The following EIF4G3 variants were observed in gnomAD, a reference collection of about 807,000 sequenced individuals.
The protein encoded by EIF4G3 is eIF-4-gamma 3.
In EIF4G3, 34 loss-of-function variants were observed where a neutral mutation model predicts 186.4. That is an observed-to-expected ratio of 0.18 (90% CI 0.14 to 0.24). The LOEUF is 0.24. Ranked by LOEUF, EIF4G3 falls within the 10% of genes least tolerant of loss-of-function variation. The probability of loss-of-function intolerance (pLI) is 1.00; values close to 1 mark genes in which losing one functional copy is unlikely to be tolerated. For synonymous variants in EIF4G3, 673 were observed against 679.5 expected (o/e 0.99, Z 0.15); for missense variants, 1,536 against 1,948.5 (o/e 0.79, Z 3.99).
chr1:21,109,856 C>A (rs536888778), intron 2 of EIF4G3, among the ~76,000 whole-genome samples: 1 of 152,316 alleles, frequency 6.6e-6, no homozygotes, highest in African/African-American at 2.4e-5. Flanking sequence ...ATGATCTTGG[C>A]TCACTGCAAC....
At chr1:21,053,643 G>T (rs1328255720) in intron 3 of EIF4G3, among the ~76,000 whole-genome samples, 1 of 141,038 alleles carries the variant, frequency 7.1e-6, no homozygotes, top group Non-Finnish European at 1.6e-5. Flanking sequence ...GAGGTGAGGG[G>T]CGCCTCTGCC....
chr1:20,874,151 A>G (rs1486087967), intron 20 of EIF4G3, among the ~76,000 whole-genome samples: 2 of 152,208 alleles, frequency 1.3e-5, no homozygotes, highest in Non-Finnish European at 2.9e-5. Context: ...CAATAAACAC[A>G]CGTGTGCATG....
At chr1:21,063,012 A>G (rs1350739006) in intron 3 of EIF4G3, among the ~76,000 whole-genome samples, 3 of 152,208 alleles carry the variant, frequency 2.0e-5, no homozygotes, top group African/African-American at 7.2e-5. Flanking sequence ...CTACTCTGTC[A>G]TCATAAATGA....
chr1:21,137,351 G>T (rs1316701055), intron 2 of EIF4G3, among the ~76,000 whole-genome samples: 1 of 151,946 alleles, frequency 6.6e-6, no homozygotes, highest in Non-Finnish European at 1.5e-5. Flanking sequence ...TCACTACACT[G>T]CTCAGGCTGG....
chr1:21,068,930 T>C (rs954972802), intron 3 of EIF4G3, among the ~76,000 whole-genome samples: 2 of 152,230 alleles, frequency 1.3e-5, no homozygotes, highest in Non-Finnish European at 2.9e-5. Context: ...CCATTGAGCA[T>C]TTCCTTTGAG....
chr1:20,847,182 G>C (rs2071401461), intron 29 of EIF4G3, among the ~76,000 whole-genome samples: 1 of 152,172 alleles, frequency 6.6e-6, no homozygotes, highest in South Asian at 2.1e-4. Flanking sequence ...AAATGGGTAT[G>C]ATAATAACAT....
intron 29 of EIF4G3, among the ~76,000 whole-genome samples, chr1:20,844,317 T>G (rs1257621485): frequency 6.6e-6 from 1 of 152,186 alleles, no homozygotes; most frequent in African/African-American, 2.4e-5. Context: ...CCTATTATTT[T>G]TTGACTTTTT....
In EIF4G3 at chr1:20,864,599, C is replaced by T; in HGVS notation, c.2883G>A (p.Leu961=). ...CACAGTCATGCATGATGGCTTCAGT[C>T]AGCATTTTGAGTTTAAAGAGTTCTC... ...FIGELFKLKM[L]TEAIMHDCVV... The change falls in exon 22 of 37, where the codon CTG becomes CTA. Residue 961 remains leucine, a synonymous_variant. Coordinates refer to ENST00000602326, the MANE Select transcript of EIF4G3 (RefSeq NM_001391906.1). The T allele has an allele frequency of 6.2e-7, 1 of 1,614,162 alleles. No homozygotes were observed. The highest frequency in any genetic ancestry group is 8.5e-7 in the Non-Finnish European group (1 of 1,180,034).
intron 7 of EIF4G3, among the ~76,000 whole-genome samples, chr1:20,995,364 G>T (rs986454048): frequency 4.6e-5 from 7 of 151,940 alleles, no homozygotes; most frequent in Non-Finnish European, 8.8e-5. Context: ...TAGTAACATG[G>T]TTCTTTTTGT....
At chr1:21,054,887 G>A (rs946463123) in intron 3 of EIF4G3, among the ~76,000 whole-genome samples, 7 of 152,134 alleles carry the variant, frequency 4.6e-5, no homozygotes, top group African/African-American at 1.4e-4. Context: ...ACACATAAAT[G>A]ATGCTACCAT....
In EIF4G3 at chr1:20,880,120, A is replaced by C. The variant is rs2154554160; in HGVS notation, c.2425-600T>G. Among the ~76,000 whole-genome samples the C allele has an allele frequency of 1.3e-5, 2 of 152,170 alleles. 1 individual carries two copies. Among genetic ancestry groups the C allele is most frequent in the South Asian group, 4.1e-4 (2 of 4,832 alleles). On this transcript the variant is annotated intron_variant, in intron 19 of 36. Transcript: ENST00000602326. Reference sequence around the variant, plus strand: ...GAAAGGCAAAATGATTTTTGCCCCTAAGATTGAGAATAATGCAAAAAATGT... The same window carrying C: ...GAAAGGCAAAATGATTTTTGCCCCTCAGATTGAGAATAATGCAAAAAATGT...
intron 32 of EIF4G3, among the ~76,000 whole-genome samples, chr1:20,825,691 G>A (rs1211894705): frequency 6.6e-6 from 1 of 152,162 alleles, no homozygotes; most frequent in Non-Finnish European, 1.5e-5. Flanking sequence ...TCTTTTCCTA[G>A]ATAGCTCTGT....
intron 4 of EIF4G3, among the ~76,000 whole-genome samples, chr1:21,008,958 G>A (rs2086144346): frequency 6.6e-6 from 1 of 152,080 alleles, no homozygotes; most frequent in Non-Finnish European, 1.5e-5. Flanking sequence ...TTACAATGTT[G>A]GAATGTAAAA....
intron 7 of EIF4G3, among the ~76,000 whole-genome samples, chr1:20,989,076 GGGAGGGGAGA>G (rs2080323835): frequency 5.1e-5 from 2 of 39,544 alleles, no homozygotes; most frequent in Non-Finnish European, 6.3e-5. Context: ...GGGAGGGGAG[GGGAGGGGAGA>G]GGAGAGGAGA....
intron 4 of EIF4G3, among the ~76,000 whole-genome samples, chr1:21,009,903 T>A (rs1449130505): frequency 6.6e-6 from 1 of 152,058 alleles, no homozygotes; most frequent in African/African-American, 2.4e-5. Flanking sequence ...TCTGCCCGCC[T>A]CGGCCTCCCA....
chr1:20,966,089 G>C (rs962582104), intron 12 of EIF4G3, among the ~76,000 whole-genome samples: 2 of 152,194 alleles, frequency 1.3e-5, no homozygotes, highest in African/African-American at 4.8e-5. Context: ...GCACCAGTCA[G>C]ATCTTAGTAA....
intron 28 of EIF4G3, 90 bp from the exon 29 acceptor site, chr1:20,849,620 C>T (rs2154550256): frequency 3.8e-6 from 2 of 532,728 alleles, no homozygotes; most frequent in East Asian, 3.4e-5. Flanking sequence ...TGTGCTATTA[C>T]ATTATTTTAA....
At chr1:21,098,542 A>G (rs1237940029) in intron 2 of EIF4G3, among the ~76,000 whole-genome samples, 1 of 23,428 alleles carries the variant, frequency 4.3e-5, no homozygotes, top group Non-Finnish European at 7.9e-5. Flanking sequence ...CCTGTCTCGA[A>G]AAAAAAAAAA....
intron 2 of EIF4G3, among the ~76,000 whole-genome samples, chr1:21,134,561 T>G (rs2097205589): frequency 6.6e-6 from 1 of 152,120 alleles, no homozygotes; most frequent in African/African-American, 2.4e-5. Context: ...TCCCAGCTAC[T>G]CGGGCGCTGA....
Sources: allele counts gnomAD v4.1 joint callset (sites outside exome capture counted in the v4.1 genomes callset), GRCh38; gene constraint gnomAD v4.1.1; transcripts MANE v1.5; gene names NCBI Gene and HGNC (gene_info 2026-07-23, HGNC 2026-07-21).